COP1: variants seen among roughly 807,000 people sequenced by gnomAD.
The protein encoded by COP1 is COP1 E3 ubiquitin ligase, also known as E3 ubiquitin-protein ligase COP1.
Under a neutral mutation model 101.3 loss-of-function variants are expected in COP1, and 24 were observed. The ratio of observed to expected loss-of-function variants is 0.24; its 90% confidence interval spans 0.17 to 0.33. The LOEUF (loss-of-function observed/expected upper bound fraction) is 0.33. Ranked by LOEUF, COP1 falls within the 10% of genes least tolerant of loss-of-function variation. The pLI is 1.00. For missense variants in COP1, 663 were observed against 906.2 expected (o/e 0.73, Z 3.45); for synonymous variants, 347 against 341.9 (o/e 1.01, Z -0.17).
chr1:176,164,304 A>G (rs1694769247), intron 3 of COP1, among the ~76,000 whole-genome samples: 1 of 152,214 alleles, frequency 6.6e-6, no homozygotes, highest in Admixed American at 6.5e-5. Context: ...TCTTCTAAAA[A>G]TACCATGGAA....
rs150628186 is a variant in COP1, at chr1:176,052,892, G to C, written c.1278-6568C>G. Among the ~76,000 whole-genome samples the C allele has an allele frequency of 3.4e-3, 510 of 151,936 alleles. 1 individual carries two copies. Among genetic ancestry groups the C allele is most frequent in the Middle Eastern group, 6.8e-3 (2 of 292 alleles). On this transcript the variant is annotated intron_variant, in intron 11 of 19. Transcript: ENST00000367669. ...ACCATCATTTCATATCAGCACATATGAGAGCAACCTCATTTTTGTCTCCAA... is the reference window on the plus strand; with the variant it reads ...ACCATCATTTCATATCAGCACATATCAGAGCAACCTCATTTTTGTCTCCAA...
intron 11 of COP1, among the ~76,000 whole-genome samples, chr1:176,053,716 G>C (rs1174326104): frequency 6.6e-6 from 1 of 152,018 alleles, no homozygotes; most frequent in East Asian, 1.9e-4. Flanking sequence ...AATCCTTCAA[G>C]GCCATTGTGA....
Position 176,057,929 on chromosome 1 carries a change from G to GAGCA in COP1, c.1278-11609_1278-11606dup, listed in dbSNP as rs1189027731. 1.9e-3 allele frequency among the ~76,000 whole-genome samples: 282 copies of GAGCA among 151,530 alleles called. 2 individuals are homozygous for GAGCA. The highest frequency in any genetic ancestry group is 6.7e-3 in the African/African-American group (276 of 41,234). On this transcript the variant is annotated intron_variant, in intron 11 of 19. Transcript: ENST00000367669. Reference sequence around the variant, plus strand: ...GGCCGCCCATCCTCTGAGATGTGGGGAGCACCTCTGCCCCGCCGCCCCTTC... The same window carrying GAGCA: ...GGCCGCCCATCCTCTGAGATGTGGGGAGCAAGCACCTCTGCCCCGCCGCCCCTTC...
chr1:176,024,856 T>C (rs1019017646), intron 15 of COP1, among the ~76,000 whole-genome samples: 3 of 151,904 alleles, frequency 2.0e-5, no homozygotes, highest in Admixed American at 6.6e-5. Flanking sequence ...AGTAACAAAA[T>C]AAGGATAAAT....
chr1:176,014,451 T>A (rs1387253499), intron 15 of COP1, among the ~76,000 whole-genome samples: 1 of 152,248 alleles, frequency 6.6e-6, no homozygotes, highest in Non-Finnish European at 1.5e-5. Flanking sequence ...TTGAAAACTA[T>A]TCTAATTATC....
At chr1:175,979,440 TAAG>T (rs1246006878) in intron 18 of COP1, among the ~76,000 whole-genome samples, 1 of 150,886 alleles carries the variant, frequency 6.6e-6, no homozygotes, top group African/African-American at 2.4e-5. Flanking sequence ...AAAATGTTAC[TAAG>T]AAGCAAGGGA....
intron 8 of COP1, among the ~76,000 whole-genome samples, chr1:176,126,615 C>A (rs964523096): frequency 1.3e-5 from 2 of 152,092 alleles, no homozygotes; most frequent in African/African-American, 4.8e-5. Context: ...CGCCACCATG[C>A]CCAGCCTTCT....
intron 18 of COP1, among the ~76,000 whole-genome samples, chr1:175,969,352 A>G (rs1467888962): frequency 6.6e-6 from 1 of 152,086 alleles, no homozygotes; most frequent in Non-Finnish European, 1.5e-5. Context: ...CTTCTCCCAC[A>G]CTTCTCCTCT....
chr1:176,017,650 A>G (rs1665902887), intron 15 of COP1: 1 of 152,188 alleles, frequency 6.6e-6, no homozygotes, highest in Admixed American at 6.6e-5. Context: ...TCAGCCACCC[A>G]AGTAGCTGGG....
chr1:176,003,245 T>C (rs1305598325), intron 15 of COP1, among the ~76,000 whole-genome samples: 1 of 152,220 alleles, frequency 6.6e-6, no homozygotes, highest in Non-Finnish European at 1.5e-5. Flanking sequence ...AGATTCTGGA[T>C]ATTAGCCCTT....
chr1:176,005,016 G>C (rs1662754445), intron 15 of COP1, among the ~76,000 whole-genome samples: 1 of 152,036 alleles, frequency 6.6e-6, no homozygotes, highest in Non-Finnish European at 1.5e-5. Context: ...ATTGATTCTT[G>C]CCACAATTTC....
In COP1 at chr1:176,009,108, C is replaced by T. The variant is rs139953931; in HGVS notation, c.1729+18464G>A. Among the ~76,000 whole-genome samples, 405 of 152,278 alleles carry T rather than the reference C, an allele frequency of 2.7e-3. 3 individuals carry two copies. Among genetic ancestry groups the T allele is most frequent in the African/African-American group, 9.2e-3 (381 of 41,546 alleles). On this transcript the variant is annotated intron_variant, in intron 15 of 19. Transcript: ENST00000367669. ...GCATAGCATTCTACAGCTAGGTACA[C>T]GTCAGAGCTTCTTGACCCCCACCTT... is the stretch of plus-strand genomic sequence containing the variant.
chr1:175,949,561 TA>T (rs1328951656), intron 18 of COP1, among the ~76,000 whole-genome samples: 1 of 152,148 alleles, frequency 6.6e-6, no homozygotes, highest in Non-Finnish European at 1.5e-5. Context: ...GACCCACAAA[TA>T]ATTCTCCTGT....
intron 11 of COP1, among the ~76,000 whole-genome samples, chr1:176,057,965 G>A (rs1348688749): frequency 6.6e-6 from 1 of 151,562 alleles, no homozygotes; most frequent in Non-Finnish European, 1.5e-5. Flanking sequence ...TGGGATATGA[G>A]GAGCGTCTCT....
intron 6 of COP1, among the ~76,000 whole-genome samples, chr1:176,143,032 CA>C (rs1181341637): frequency 6.6e-6 from 1 of 150,804 alleles, no homozygotes; most frequent in Non-Finnish European, 1.5e-5. Flanking sequence ...ACAAACAAAA[CA>C]GAGAGGAAAA....
At chr1:176,167,802 G>A (rs1430778582) in intron 3 of COP1, among the ~76,000 whole-genome samples, 2 of 152,092 alleles carry the variant, frequency 1.3e-5, no homozygotes, top group African/African-American at 4.8e-5. Context: ...CTTGACACAA[G>A]TTACTCAACC....
intron 18 of COP1, among the ~76,000 whole-genome samples, chr1:175,981,726 G>A (rs1655915307): frequency 6.6e-6 from 1 of 152,048 alleles, no homozygotes; most frequent in Admixed American, 6.6e-5. Flanking sequence ...TGTGGATTGG[G>A]AGAAAATATT....
intron 15 of COP1, among the ~76,000 whole-genome samples, chr1:176,023,069 G>T (rs115982618): frequency 6.6e-6 from 1 of 152,102 alleles, no homozygotes; most frequent in African/African-American, 2.4e-5. Context: ...CTGATTCCGT[G>T]ATTACAGTAA....
At position 175,988,456 on chromosome 1, in the gene COP1, G is replaced by A. The variant is rs746210737; in HGVS notation, c.1848-44C>T. ...AGTAAGAACTTACTTAAAATTTCTT[G>A]GCACGAAACTCATCACTACTAATTA... On this transcript the variant is annotated intron_variant, in intron 16 of 19. Coordinates refer to ENST00000367669, the MANE Select transcript of COP1 (RefSeq NM_022457.7). 5.2e-6 allele frequency: 8 copies of A among 1,528,006 alleles called. No homozygotes were observed. In the African/African-American group the frequency reaches 9.7e-5, roughly 18 times the overall value. The allele number at this position is 1,528,006 out of a possible 1,614,324, so 94.7% of individuals were successfully genotyped here.
Sources: allele counts gnomAD v4.1 joint callset (sites outside exome capture counted in the v4.1 genomes callset), GRCh38; gene constraint gnomAD v4.1.1; transcripts MANE v1.5; gene names NCBI Gene and HGNC (gene_info 2026-07-23, HGNC 2026-07-21).